Variants in MGST1 observed in about 807,000 individuals in gnomAD.
MGST1 encodes microsomal glutathione S-transferase 1, also known as glutathione S-transferase 12.
A neutral mutation model predicts 8.9 loss-of-function variants in MGST1; 5 were observed. The ratio of observed to expected loss-of-function variants is 0.56; its 90% CI spans 0.29 to 1.19. The LOEUF (loss-of-function observed/expected upper bound fraction) is 1.19, where lower values mean the gene tolerates loss of function less well. Among genes scored for constraint, MGST1 ranks in the 50% most tolerant of loss-of-function variants. MGST1 has a pLI of 0.08. For synonymous variants in MGST1, 54 were observed against 67.8 expected (o/e 0.80, Z 1.00); for missense variants, 182 against 187.4 (o/e 0.97, Z 0.17).
chr12:16,592,907 A>T (rs1325786135), downstream of MGST1, among the ~76,000 whole-genome samples: 2 of 151,930 alleles, frequency 1.3e-5, no homozygotes, highest in East Asian at 3.8e-4. Context: ...TAGAACTGCT[A>T]AAATAAAAAC....
intron 4 of MGST1, among the ~76,000 whole-genome samples, chr12:16,493,673 G>C (rs1283188891): frequency 6.6e-6 from 1 of 152,134 alleles, no homozygotes; most frequent in African/African-American, 2.4e-5. Flanking sequence ...TGAATAAGGA[G>C]ACTCTCTCAG....
At chr12:16,510,480 T>C (rs902019510) in intron 4 of MGST1, among the ~76,000 whole-genome samples, 3 of 152,228 alleles carry the variant, frequency 2.0e-5, no homozygotes, top group African/African-American at 4.8e-5. Flanking sequence ...CTTAACACAT[T>C]GTAATATTGA....
downstream of MGST1, among the ~76,000 whole-genome samples, chr12:16,380,714 T>C (rs558862359): frequency 1.3e-5 from 2 of 152,226 alleles, no homozygotes; most frequent in African/African-American, 4.8e-5. Flanking sequence ...CTTTCTGTCT[T>C]GTTGATCTGT....
intron 4 of MGST1, among the ~76,000 whole-genome samples, chr12:16,469,462 T>C (rs567446693): frequency 6.6e-6 from 1 of 152,214 alleles, no homozygotes; most frequent in Admixed American, 6.5e-5. Flanking sequence ...GTGTTGGGAT[T>C]ACAGGCATGA....
At chr12:16,565,697 GTTAAGA>G (rs1484887287) in intron 4 of MGST1, among the ~76,000 whole-genome samples, 1 of 151,768 alleles carries the variant, frequency 6.6e-6, no homozygotes, top group Non-Finnish European at 1.5e-5. Context: ...TTTTCCTGAA[GTTAAGA>G]TTAAAAGGCT....
Position 16,482,422 on chromosome 12 carries a change from G to A in MGST1, n.482+98818G>A, listed in dbSNP as rs1361133765. Among the ~76,000 whole-genome samples the A allele has an allele frequency of 1.3e-5, 2 of 152,172 alleles. No homozygotes were observed. The highest frequency in any genetic ancestry group is 2.9e-5 in the Non-Finnish European group (2 of 68,040). ...CCAAGACAGGTGGATCACGAGGACA[G>A]GAGTTCCAGATCAGCCTGGCCAAGA... On this transcript the variant is annotated intron_variant and non_coding_transcript_variant, in intron 4 of 4. Transcript: ENST00000538857. This position sits in a 1 kb window ranked among gnomAD's most constrained non-coding sequence, Gnocchi z 4.2.
chr12:16,410,961 A>G lies in MGST1; in HGVS notation n.779-26427A>G, dbSNP rs1171920529. Among the ~76,000 whole-genome samples the G allele has an allele frequency of 1.3e-5, 2 of 151,936 alleles. No individual in the cohort carries two copies. The highest frequency in any genetic ancestry group is 2.9e-5 in the Non-Finnish European group (2 of 68,006). On this transcript the variant is annotated intron_variant and non_coding_transcript_variant, in intron 1 of 1. Coordinates refer to the MGST1 transcript ENST00000359720. The surrounding 1 kb of genome is among the most constrained non-coding windows in gnomAD (Gnocchi z 4.4). ...ACCTCATATTCCATGCTTTTTTCTG[A>G]CATGGAACCTTTGAATGTACCTTTC...
At chr12:16,551,027 T>C (rs1941968540) in intron 4 of MGST1, 1 of 495,428 alleles carries the variant, frequency 2.0e-6, no homozygotes, top group East Asian at 2.9e-5. Context: ...TTTTCTTTAA[T>C]AATAAACATT....
At position 16,513,393 on chromosome 12, in the gene MGST1, T is replaced by G. The variant is rs1318437947; in HGVS notation, n.483-76135T>G. 1 of 378,824 alleles carries G rather than the reference T, an allele frequency of 2.6e-6. No homozygotes were observed. The highest frequency in any genetic ancestry group is 2.1e-5 in the African/African-American group (1 of 47,232). 23.5% of individuals were successfully genotyped at this position (378,824 alleles called of 1,614,324 possible). A position where few individuals can be genotyped will look rare whatever the true frequency, so the allele number is the denominator to read the frequency against. On this transcript the variant is annotated intron_variant and non_coding_transcript_variant, in intron 4 of 4. Coordinates refer to the MGST1 transcript ENST00000538857. This position sits in a 1 kb window ranked among gnomAD's most constrained non-coding sequence, Gnocchi z 4.2. Reference sequence around the variant, plus strand: ...CCCACTGCCCTCCTACCGTCCACCATGGCTCCTCTGCGCTCCAGCTGCGTC... The same window carrying G: ...CCCACTGCCCTCCTACCGTCCACCAGGGCTCCTCTGCGCTCCAGCTGCGTC...
intron 4 of MGST1, among the ~76,000 whole-genome samples, chr12:16,499,753 G>A (rs1941493432): frequency 6.6e-6 from 1 of 151,816 alleles, no homozygotes; most frequent in African/African-American, 2.4e-5. Flanking sequence ...TCTCAGTTCC[G>A]GATGTTCTGA....
In MGST1 at chr12:16,547,942, C is replaced by T. The variant is rs1941849580; in HGVS notation, n.483-41586C>T. Among the ~76,000 whole-genome samples, 1 of 152,142 alleles carries T rather than the reference C, an allele frequency of 6.6e-6. No individual in the cohort carries two copies. Among genetic ancestry groups the T allele is most frequent in the Non-Finnish European group, 1.5e-5 (1 of 68,014 alleles). ...AAACACTTTTGCATGGCATGTTTTACTACAGATATAATTTTCAGTGCCCTG... is the reference window on the plus strand; with the variant it reads ...AAACACTTTTGCATGGCATGTTTTATTACAGATATAATTTTCAGTGCCCTG... On this transcript the variant is annotated intron_variant and non_coding_transcript_variant, in intron 4 of 4. Coordinates refer to the MGST1 transcript ENST00000538857. The surrounding 1 kb of genome is among the most constrained non-coding windows in gnomAD (Gnocchi z 4.6).
rs542256101 is a variant in MGST1 at position 16,410,951 on chromosome 12, C to T, written n.779-26437C>T. ...TGTTTTGTGTACCTCATATTCCATG[C>T]TTTTTTCTGACATGGAACCTTTGAA... On this transcript the variant is annotated intron_variant and non_coding_transcript_variant, in intron 1 of 1. Coordinates refer to the MGST1 transcript ENST00000359720. This position sits in a 1 kb window ranked among gnomAD's most constrained non-coding sequence, Gnocchi z 4.4. 6.6e-6 allele frequency among the ~76,000 whole-genome samples: 1 copy of T among 152,166 alleles called. No homozygotes were observed. Among genetic ancestry groups the T allele is most frequent in the East Asian group, 1.9e-4 (1 of 5,174 alleles).
rs548855889 is a variant in MGST1 at position 16,566,130 on chromosome 12, A to ATAAG, written n.483-23397_483-23394dup. Among the ~76,000 whole-genome samples, 74 of 149,204 alleles carry ATAAG rather than the reference A, an allele frequency of 5.0e-4. 1 individual carries two copies. The South Asian group carries it at 0.016, about 32-fold the overall frequency. ...CCTGGAGGGCATCATGTTAAATGAA[A>ATAAG]TAAGCCAGGCATAGATGGAAAAATA... On this transcript the variant is annotated intron_variant and non_coding_transcript_variant, in intron 4 of 4. Coordinates refer to the MGST1 transcript ENST00000538857.
intron 1 of MGST1, among the ~76,000 whole-genome samples, chr12:16,385,617 A>G (rs1940497919): frequency 6.6e-6 from 1 of 151,982 alleles, no homozygotes; most frequent in African/African-American, 2.4e-5. Flanking sequence ...TGATAATCTG[A>G]TGCAACTGTA....
intron 4 of MGST1, among the ~76,000 whole-genome samples, chr12:16,479,579 G>T (rs1941351375): frequency 7.5e-6 from 1 of 134,226 alleles, no homozygotes; most frequent in Non-Finnish European, 1.5e-5. Flanking sequence ...TGTGGCCCAT[G>T]CTGGAGTAAG....
intron 4 of MGST1, among the ~76,000 whole-genome samples, chr12:16,444,397 T>C (rs1755714321): frequency 6.6e-6 from 1 of 151,876 alleles, no homozygotes; most frequent in African/African-American, 2.4e-5. Flanking sequence ...CCACTGCTCA[T>C]GAATTCATTA....
chr12:16,411,161 A>G (rs1940739421), intron 1 of MGST1, among the ~76,000 whole-genome samples: 3 of 152,112 alleles, frequency 2.0e-5, no homozygotes, highest in African/African-American at 7.2e-5. Flanking sequence ...CTGTAATTGT[A>G]TATGTGTCTG....
intron 2 of MGST1, among the ~76,000 whole-genome samples, chr12:16,354,947 C>G (rs954702074): frequency 3.3e-5 from 5 of 150,736 alleles, no homozygotes; most frequent in African/African-American, 1.2e-4. Context: ...TTTTTAAGTG[C>G]AGATGTGGGG....
chr12:16,560,367 C>T lies in MGST1; in HGVS notation n.483-29161C>T, dbSNP rs1278367996. ...CCACCTATTAAATAAATAGCCAGCA[C>T]AGAGAGGTTAACCATTTCTTAGAGA... On this transcript the variant is annotated intron_variant and non_coding_transcript_variant, in intron 4 of 4. Coordinates refer to the MGST1 transcript ENST00000538857. The surrounding 1 kb of genome is among the most constrained non-coding windows in gnomAD (Gnocchi z 5.0). The T allele has an allele frequency of 6.3e-7, 1 of 1,588,048 alleles. No homozygotes were observed. The highest frequency in any genetic ancestry group is 2.2e-5 in the East Asian group (1 of 44,486).
Sources: allele counts gnomAD v4.1 joint callset (sites outside exome capture counted in the v4.1 genomes callset), GRCh38; gene constraint gnomAD v4.1.1; non-coding constraint Gnocchi (gnomAD v3.1); transcripts MANE v1.5; gene names NCBI Gene and HGNC (gene_info 2026-07-23, HGNC 2026-07-21).